Variants in PCGF5 observed in about 807,000 individuals in gnomAD.
The protein encoded by PCGF5 is polycomb group RING finger protein 5.
PCGF5 carries 9 observed loss-of-function variants against 44.3 expected under a neutral mutation model. The ratio of observed to expected loss-of-function variants is 0.20; its 90% CI spans 0.12 to 0.35. PCGF5 has a LOEUF of 0.35. PCGF5 is among the 10% of genes least tolerant of loss of function. PCGF5 has a pLI of 1.00. For missense variants in PCGF5, 146 were observed against 305.3 expected, an observed-to-expected ratio of 0.48 and a Z score of 3.89; for synonymous variants, 95 against 102.5, an observed-to-expected ratio of 0.93 and a Z score of 0.44.
chr10:91,165,065 T>A (rs890762404), intron 1 of PCGF5, among the ~76,000 whole-genome samples: 6 of 152,214 alleles, frequency 3.9e-5, no homozygotes, highest in Non-Finnish European at 7.3e-5. Flanking sequence ...GGTAGGACTG[T>A]TTTTGACAGT....
intron 1 of PCGF5, among the ~76,000 whole-genome samples, chr10:91,173,246 G>A (rs1843643173): frequency 6.6e-6 from 1 of 152,178 alleles, no homozygotes; most frequent in Admixed American, 6.5e-5. Context: ...AATTTGGTGG[G>A]GGATTGGTTT....
chr10:91,275,602 G>A (rs1289771840), intron 9 of PCGF5, among the ~76,000 whole-genome samples: 7 of 137,358 alleles, frequency 5.1e-5, no homozygotes, highest in South Asian at 2.3e-4. Flanking sequence ...CACCATGCCC[G>A]GCTAATTTTT....
chr10:91,235,626 A>G, intron 2 of PCGF5, among the ~76,000 whole-genome samples: 1 of 152,132 alleles, frequency 6.6e-6, no homozygotes, highest in East Asian at 1.9e-4. Flanking sequence ...TGTAACTCCC[A>G]CAATTTCCAT....
At chr10:91,207,350 GC>G (rs1844366059) in intron 1 of PCGF5, among the ~76,000 whole-genome samples, 1 of 152,118 alleles carries the variant, frequency 6.6e-6, no homozygotes, top group Admixed American at 6.5e-5. Context: ...CAGAAAAGTT[GC>G]CAAAATCTTT....
chr10:91,253,659 T>C (rs921903306), intron 6 of PCGF5, among the ~76,000 whole-genome samples: 28 of 152,022 alleles, frequency 1.8e-4, no homozygotes, highest in African/African-American at 6.3e-4. Context: ...TCCTGCAAAA[T>C]TCCCCCAGTT....
intron 6 of PCGF5, among the ~76,000 whole-genome samples, chr10:91,257,013 T>C (rs1171351504): frequency 2.0e-5 from 3 of 152,084 alleles, no homozygotes; most frequent in Non-Finnish European, 4.4e-5. Flanking sequence ...CAAAGGACAC[T>C]TAAAGTGAAA....
chr10:91,215,870 T>C (rs1346977305), upstream of PCGF5, among the ~76,000 whole-genome samples: 1 of 152,262 alleles, frequency 6.6e-6, no homozygotes, highest in African/African-American at 2.4e-5. Flanking sequence ...TTGTTTCTTG[T>C]GGATAAGTCT....
At chr10:91,176,343 A>G (rs1478959948) in intron 1 of PCGF5, among the ~76,000 whole-genome samples, 2 of 152,006 alleles carry the variant, frequency 1.3e-5, no homozygotes, top group East Asian at 3.9e-4. Context: ...TGCCCTTAAC[A>G]TTTTTTCCTT....
rs1843965772 is a variant in PCGF5 at position 91,188,399 on chromosome 10, A to C, written c.-184+25318A>C. Among the ~76,000 whole-genome samples the C allele has an allele frequency of 2.0e-5, 3 of 152,192 alleles. No individual in the cohort carries two copies. In the South Asian group the frequency reaches 6.2e-4, roughly 31 times the overall value. On this transcript the variant is annotated intron_variant, in intron 1 of 9. Coordinates refer to the PCGF5 transcript ENST00000614189. ...TTTAGTTCAGTTCAAATGTTGTTTT[A>C]TTATTATTACAATGAAGACCCTAGA... is the stretch of plus-strand genomic sequence containing the variant.
intron 1 of PCGF5, among the ~76,000 whole-genome samples, chr10:91,172,421 A>G (rs1297119277): frequency 1.3e-5 from 2 of 151,904 alleles, no homozygotes; most frequent in African/African-American, 4.8e-5. Context: ...TCCCCTTCAG[A>G]GAAAAAAAAA....
intron 2 of PCGF5, chr10:91,227,836 G>A: frequency 1.0e-6 from 1 of 986,578 alleles, no homozygotes; most frequent in Non-Finnish European, 1.2e-6. Flanking sequence ...TGCCTCCTCT[G>A]TGCCCAGCTA....
intron 1 of PCGF5, among the ~76,000 whole-genome samples, chr10:91,192,557 C>A (rs1359415538): frequency 1.3e-5 from 2 of 152,128 alleles, no homozygotes; most frequent in African/African-American, 4.8e-5. Flanking sequence ...AAGATAAGTT[C>A]ATTTATTTAT....
intron 8 of PCGF5, among the ~76,000 whole-genome samples, chr10:91,271,248 T>TG (rs1846175050): frequency 6.6e-6 from 1 of 152,072 alleles, no homozygotes. Flanking sequence ...ACAGTATTAC[T>TG]TTCAGGGGAA....
intron 1 of PCGF5, among the ~76,000 whole-genome samples, chr10:91,194,358 G>A (rs964736306): frequency 1.9e-4 from 29 of 152,268 alleles, no homozygotes; most frequent in African/African-American, 6.3e-4. Context: ...AGGTGACTAC[G>A]GGAGAATGGC....
intron 6 of PCGF5, among the ~76,000 whole-genome samples, chr10:91,253,173 C>T (rs898344631): frequency 7.2e-5 from 11 of 151,888 alleles, no homozygotes; most frequent in Admixed American, 2.0e-4. Flanking sequence ...GCTTCAACTA[C>T]GCAAAGGATT....
chr10:91,269,692 A>G (rs1470762307), intron 8 of PCGF5, among the ~76,000 whole-genome samples: 1 of 152,184 alleles, frequency 6.6e-6, no homozygotes, highest in East Asian at 1.9e-4. Flanking sequence ...GTTTTAGTGG[A>G]TATTATTTGA....
At chr10:91,178,604 G>C (rs1347569594) in intron 1 of PCGF5, among the ~76,000 whole-genome samples, 3 of 152,116 alleles carry the variant, frequency 2.0e-5, no homozygotes, top group African/African-American at 7.2e-5. Flanking sequence ...TGTCCAGGCT[G>C]GTCTCAAACC....
At chr10:91,251,812 T>C (rs577937902) in intron 6 of PCGF5, among the ~76,000 whole-genome samples, 1 of 152,128 alleles carries the variant, frequency 6.6e-6, no homozygotes, top group African/African-American at 2.4e-5. Context: ...ATTTTATCCT[T>C]TATTTCTCTA....
upstream of PCGF5, among the ~76,000 whole-genome samples, chr10:91,159,246 C>T (rs1395014833): frequency 1.3e-5 from 2 of 151,786 alleles, no homozygotes; most frequent in Non-Finnish European, 2.9e-5. Flanking sequence ...CACAGGAAGT[C>T]ATAATTTTTT....
Sources: allele counts gnomAD v4.1 joint callset (sites outside exome capture counted in the v4.1 genomes callset), GRCh38; gene constraint gnomAD v4.1.1; transcripts MANE v1.5; gene names NCBI Gene and HGNC (gene_info 2026-07-23, HGNC 2026-07-21).